The following NECAB2 variants were observed in gnomAD, a reference collection of about 807,000 sequenced individuals.
The protein encoded by NECAB2 is N-terminal EF-hand calcium binding protein 2.
Under a neutral mutation model 51.9 loss-of-function variants are expected in NECAB2, and 68 were observed. The ratio of observed to expected loss-of-function variants is 1.31; its 90% confidence interval spans 1.08 to 1.60. The LOEUF is 1.60. Among genes scored for constraint, NECAB2 ranks in the 40% most tolerant of loss-of-function variants. The pLI is 0.00. For synonymous variants in NECAB2, 329 were observed against 203.5 expected (o/e 1.62, Z -5.25); for missense variants, 854 against 490.3 (o/e 1.74, Z -7.00).
intron 12 of NECAB2, 91 bp from the exon 13 acceptor site, chr16:84,002,227 T>A (rs540705225): frequency 0.036 from 54,227 of 1,488,804 alleles, 1,366 homozygotes; most frequent in Admixed American, 0.11. Context: ...CTCAAAGCCA[T>A]CCCCCGACCT....
intron 5 of NECAB2, among the ~76,000 whole-genome samples, chr16:83,983,577 TA>T (rs2084515301): frequency 6.6e-6 from 1 of 152,254 alleles, no homozygotes; most frequent in Non-Finnish European, 1.5e-5. Flanking sequence ...TTGGTATTTT[TA>T]AATGATCATA....
intron 9 of NECAB2, among the ~76,000 whole-genome samples, chr16:83,997,544 G>A (rs1385647040): frequency 1.5e-5 from 2 of 136,502 alleles, no homozygotes; most frequent in Non-Finnish European, 3.0e-5. Context: ...CTGGAGTGCA[G>A]TGGTGGGATG....
chr16:84,001,755 ATTAACAGGG>A, intron 11 of NECAB2, 61 bp from the exon 12 acceptor site: 1 of 1,547,506 alleles, frequency 6.5e-7, no homozygotes, highest in Non-Finnish European at 8.9e-7. Context: ...TAGAGCTAGG[ATTAACAGGG>A]GAGCCACACG....
rs538519560 is a variant in NECAB2 at position 83,999,836 on chromosome 16, TAGAA to T, written c.963-887_963-884del. ...TGCAAGGATTAAATGAGAGGACAAG[TAGAA>T]GGAAGAAGAGGGAAGATGCTTTGAT... On this transcript the variant is annotated intron_variant, in intron 10 of 12. Transcript: ENST00000305202. Among the ~76,000 whole-genome samples the T allele has an allele frequency of 3.2e-3, 489 of 152,078 alleles. 3 individuals carry two copies. Among genetic ancestry groups the T allele is most frequent in the African/African-American group, 0.011 (457 of 41,454 alleles).
intron 10 of NECAB2, among the ~76,000 whole-genome samples, 161 bp from the exon 11 acceptor site, chr16:84,000,563 C>G (rs34380834): frequency 0.24 from 35,955 of 152,114 alleles, 9,140 homozygotes; most frequent in African/African-American, 0.65. Flanking sequence ...ATTCCCTGTG[C>G]TGGGGTCACC....
At chr16:83,986,232 G>A (rs1420148758) in intron 5 of NECAB2, among the ~76,000 whole-genome samples, 1 of 152,134 alleles carries the variant, frequency 6.6e-6, no homozygotes. Flanking sequence ...GGCCAGGCTG[G>A]TCTTGAACTC....
intron 3 of NECAB2, 113 bp downstream of exon 3, chr16:83,978,665 C>A: frequency 1.1e-6 from 1 of 921,826 alleles, no homozygotes; most frequent in Non-Finnish European, 1.7e-6. Context: ...AACTGAAAAT[C>A]CCCAAATTTG....
intron 10 of NECAB2, 50 bp downstream of exon 10, chr16:83,998,367 T>G (rs1179163354): frequency 1.3e-6 from 2 of 1,552,022 alleles, no homozygotes; most frequent in East Asian, 2.3e-5. Flanking sequence ...GAGCTCTGCC[T>G]GGCAGTGGAG....
chr16:83,981,426 T>C, intron 5 of NECAB2, among the ~76,000 whole-genome samples: 1 of 132,318 alleles, frequency 7.6e-6, no homozygotes, highest in Non-Finnish European at 1.6e-5. Flanking sequence ...CCCAGACAGG[T>C]GTCGTACCCT....
At chr16:83,999,599 T>A (rs949120451) in intron 10 of NECAB2, among the ~76,000 whole-genome samples, 2 of 152,048 alleles carry the variant, frequency 1.3e-5, no homozygotes, top group African/African-American at 4.8e-5. Context: ...TGGCCCCCGC[T>A]TTATGGTCAC....
chr16:83,997,860 G>C (rs553326672), intron 9 of NECAB2, among the ~76,000 whole-genome samples: 1 of 152,254 alleles, frequency 6.6e-6, no homozygotes, highest in African/African-American at 2.4e-5. Context: ...AGACAGTGAT[G>C]TGAAAATGCT....
At chr16:83,993,640 G>C (rs1043157968) in intron 6 of NECAB2, 1 of 156,144 alleles carries the variant, frequency 6.4e-6, no homozygotes, top group Non-Finnish European at 1.4e-5. Context: ...GTGTGTGTGT[G>C]TGTGTGTGTG....
intron 6 of NECAB2, 61 bp downstream of exon 6, chr16:83,990,691 C>T: frequency 6.3e-7 from 1 of 1,586,382 alleles, no homozygotes; most frequent in Non-Finnish European, 8.6e-7. Context: ...CACGTGCCCA[C>T]CTGCTGCTTG....
intron 1 of NECAB2, among the ~76,000 whole-genome samples, chr16:83,970,203 G>A (rs775607007): frequency 9.2e-5 from 14 of 152,110 alleles, no homozygotes; most frequent in Non-Finnish European, 1.5e-4. Flanking sequence ...AGTGATGAGC[G>A]GGGGGTGGGG....
chr16:83,992,556 G>T (rs1435694133), intron 6 of NECAB2, among the ~76,000 whole-genome samples: 2 of 152,166 alleles, frequency 1.3e-5, no homozygotes, highest in East Asian at 1.9e-4. Context: ...AGGCAGAGAG[G>T]TACCTCAGGA....
upstream of NECAB2, chr16:83,965,799 G>A (rs778942654): frequency 6.2e-7 from 1 of 1,613,098 alleles, no homozygotes; most frequent in Non-Finnish European, 8.5e-7. Flanking sequence ...CCTGGGGCAG[G>A]GGCTGACTTT....
chr16:83,980,636 G>C (rs923713859), intron 3 of NECAB2, among the ~76,000 whole-genome samples: 1 of 152,132 alleles, frequency 6.6e-6, no homozygotes, highest in Non-Finnish European at 1.5e-5. Context: ...AGGGTGGGTG[G>C]TGTGGGGGAT....
At chr16:83,978,773 C>T (rs757605630) in intron 3 of NECAB2, among the ~76,000 whole-genome samples, 1 of 152,072 alleles carries the variant, frequency 6.6e-6, no homozygotes, top group Non-Finnish European at 1.5e-5. Flanking sequence ...TCTGAGTGCA[C>T]ATGGCCAACT....
chr16:83,965,427 C>T (rs144301439), upstream of NECAB2: 157 of 1,584,418 alleles, frequency 9.9e-5, no homozygotes, highest in Middle Eastern at 1.7e-4. Flanking sequence ...ACCCCGGCCT[C>T]AGACCCTGTC....
Sources: allele counts gnomAD v4.1 joint callset (sites outside exome capture counted in the v4.1 genomes callset), GRCh38; gene constraint gnomAD v4.1.1; transcripts MANE v1.5; gene names NCBI Gene and HGNC (gene_info 2026-07-23, HGNC 2026-07-21).